Variants in CTNNA3 observed in about 807,000 individuals in gnomAD.
CTNNA3 encodes the protein catenin alpha 3.
CTNNA3 carries 76 observed loss-of-function variants against 95.7 expected under a neutral mutation model. The observed-to-expected ratio is 0.79, with a 90% CI of 0.66 to 0.96. The LOEUF (loss-of-function observed/expected upper bound fraction) is 0.96. Ranked by LOEUF, CTNNA3 falls within the 40% of genes least tolerant of loss-of-function variation. The pLI is 0.00. For synonymous variants in CTNNA3, 431 were observed against 374.4 expected (o/e 1.15, Z -1.74); for missense variants, 1,191 against 1,089.8 (o/e 1.09, Z -1.31).
intron 7 of CTNNA3, among the ~76,000 whole-genome samples, chr10:67,016,773 T>C (rs1227737981): frequency 6.6e-6 from 1 of 152,222 alleles, no homozygotes; most frequent in Non-Finnish European, 1.5e-5. Context: ...GAGGCTTCCT[T>C]GCTTTCTTGG....
chr10:66,358,341 G>A (rs910343062), intron 12 of CTNNA3, among the ~76,000 whole-genome samples: 1 of 149,996 alleles, frequency 6.7e-6, no homozygotes, highest in Admixed American at 6.6e-5. Flanking sequence ...GTCTAAGCCA[G>A]GAAATATGGG....
At chr10:67,142,040 T>C (rs756428993) in intron 7 of CTNNA3, among the ~76,000 whole-genome samples, 3 of 152,152 alleles carry the variant, frequency 2.0e-5, no homozygotes, top group Middle Eastern at 3.2e-3. Flanking sequence ...GCTTGATTTA[T>C]AAAAACAAAC....
chr10:67,266,814 T>C (rs1271745018), intron 5 of CTNNA3, among the ~76,000 whole-genome samples: 1 of 152,198 alleles, frequency 6.6e-6, no homozygotes, highest in Non-Finnish European at 1.5e-5. Context: ...ACTTCAAATG[T>C]ATCACCACAA....
At chr10:67,716,943 G>A (rs954744253) in intron 1 of CTNNA3, among the ~76,000 whole-genome samples, 3 of 152,158 alleles carry the variant, frequency 2.0e-5, no homozygotes, top group African/African-American at 4.8e-5. Flanking sequence ...CACCAACAGT[G>A]TAAAGGCATT....
At chr10:66,696,211 T>C (rs901279935) in intron 9 of CTNNA3, among the ~76,000 whole-genome samples, 1 of 152,196 alleles carries the variant, frequency 6.6e-6, no homozygotes, top group Non-Finnish European at 1.5e-5. Flanking sequence ...CAAAGAGTAA[T>C]ATTTTGTGAA....
chr10:66,112,342 A>G (rs1265149634), intron 13 of CTNNA3, among the ~76,000 whole-genome samples: 1 of 152,168 alleles, frequency 6.6e-6, no homozygotes, highest in Non-Finnish European at 1.5e-5. Context: ...GTATGTCTCT[A>G]TTTGTCAAAA....
intron 5 of CTNNA3, among the ~76,000 whole-genome samples, chr10:67,303,354 T>G (rs1840405290): frequency 6.6e-6 from 1 of 152,196 alleles, no homozygotes; most frequent in Non-Finnish European, 1.5e-5. Context: ...CTTCCAGTTG[T>G]CAACCTGGAC....
intron 15 of CTNNA3, among the ~76,000 whole-genome samples, chr10:66,015,515 A>G (rs1178848060): frequency 6.6e-6 from 1 of 152,200 alleles, no homozygotes; most frequent in African/African-American, 2.4e-5. Context: ...CAATAGCAGA[A>G]TTAAGTAACT....
At chr10:66,869,677 T>C (rs552605609) in intron 7 of CTNNA3, among the ~76,000 whole-genome samples, 1 of 152,176 alleles carries the variant, frequency 6.6e-6, no homozygotes, top group Non-Finnish European at 1.5e-5. Flanking sequence ...GGAGATTATT[T>C]GGGGCATGAA....
intron 12 of CTNNA3, among the ~76,000 whole-genome samples, chr10:66,285,472 G>T (rs1490555025): frequency 1.3e-5 from 2 of 151,652 alleles, no homozygotes; most frequent in Non-Finnish European, 2.9e-5. Context: ...TATATTAAAA[G>T]TGTATCCAAT....
At chr10:67,146,329 AAACT>A (rs1860840198) in intron 7 of CTNNA3, among the ~76,000 whole-genome samples, 2 of 152,350 alleles carry the variant, frequency 1.3e-5, no homozygotes, top group South Asian at 4.1e-4. Flanking sequence ...CTAATTTTCC[AAACT>A]AACTGAGAAT....
In CTNNA3 at chr10:67,479,238, C is replaced by T. The variant is rs117540738; in HGVS notation, c.579+42604G>A. On this transcript the variant is annotated intron_variant, in intron 5 of 17. Transcript: ENST00000433211. ...TCTGGACTTGAGATTGACACTTGAC[C>T]AATTGGATTTAATATACATCTACAG... Among the ~76,000 whole-genome samples, 1,034 of 152,162 alleles carry T rather than the reference C, an allele frequency of 6.8e-3. 6 individuals are homozygous for T. Among genetic ancestry groups the T allele is most frequent in the Middle Eastern group, 0.017 (5 of 294 alleles).
chr10:67,313,281 A>C (rs1021796428), intron 5 of CTNNA3, among the ~76,000 whole-genome samples: 1 of 152,034 alleles, frequency 6.6e-6, no homozygotes, highest in Admixed American at 6.5e-5. Context: ...CTAAAAATAA[A>C]AAAAAATAAG....
intron 7 of CTNNA3, among the ~76,000 whole-genome samples, chr10:67,006,085 A>G (rs1455760521): frequency 1.3e-5 from 2 of 152,132 alleles, no homozygotes; most frequent in Non-Finnish European, 2.9e-5. Context: ...TGAACAGTAC[A>G]GTGCCAGGTA....
At chr10:66,030,601 A>C (rs538512279) in intron 15 of CTNNA3, among the ~76,000 whole-genome samples, 1 of 152,184 alleles carries the variant, frequency 6.6e-6, no homozygotes, top group African/African-American at 2.4e-5. Context: ...AACCTATGAA[A>C]ATCCTAGAAG....
At chr10:65,984,787 G>T (rs1416568860) in intron 16 of CTNNA3, among the ~76,000 whole-genome samples, 2 of 151,196 alleles carry the variant, frequency 1.3e-5, no homozygotes, top group East Asian at 3.9e-4. Flanking sequence ...TATTTAAAAA[G>T]TTATTAATAC....
intron 5 of CTNNA3, among the ~76,000 whole-genome samples, chr10:67,272,530 G>A (rs1839025835): frequency 6.6e-6 from 1 of 152,096 alleles, no homozygotes; most frequent in Non-Finnish European, 1.5e-5. Flanking sequence ...TCCAGCCTGA[G>A]CGATAGGGTA....
intron 13 of CTNNA3, among the ~76,000 whole-genome samples, chr10:66,273,863 G>A (rs2091333487): frequency 6.6e-6 from 1 of 151,900 alleles, no homozygotes; most frequent in African/African-American, 2.4e-5. Context: ...GAAGAGTAGA[G>A]GAGGGTGGAG....
chr10:66,150,039 G>T (rs2084112061), intron 13 of CTNNA3, among the ~76,000 whole-genome samples: 1 of 151,988 alleles, frequency 6.6e-6, no homozygotes, highest in African/African-American at 2.4e-5. Context: ...ACTTATTTTG[G>T]TTTTTCTTTG....
Sources: gnomAD v4.1 joint callset for allele counts (sites outside exome capture counted in the v4.1 genomes callset) on GRCh38, gnomAD v4.1.1 for gene constraint, MANE v1.5 for transcripts, NCBI Gene and HGNC (gene_info 2026-07-23, HGNC 2026-07-21) for gene names.